Variants in CHL1 observed in about 807,000 individuals in gnomAD.
CHL1 encodes the protein cell adhesion molecule L1 like.
Under a neutral mutation model 141.9 loss-of-function variants are expected in CHL1, and 96 were observed. That is an observed-to-expected ratio of 0.68 (90% CI 0.57 to 0.80). The LOEUF (loss-of-function observed/expected upper bound fraction) is 0.80, where lower values mean the gene tolerates loss of function less well. CHL1 is among the 30% of genes least tolerant of loss of function. The probability of loss-of-function intolerance (pLI) is 0.00; values close to 1 mark genes in which losing one functional copy is unlikely to be tolerated. For missense variants in CHL1, 1,820 were observed against 1,457.2 expected (o/e 1.25, Z -4.05); for synonymous variants, 613 against 502.2 (o/e 1.22, Z -2.95).
intron 1 of CHL1, among the ~76,000 whole-genome samples, chr3:206,369 G>C (rs951195369): frequency 3.3e-5 from 5 of 152,136 alleles, no homozygotes; most frequent in African/African-American, 1.2e-4. Flanking sequence ...AGGAGGCTGA[G>C]GCAGGAGAAT....
At chr3:208,016 A>AG (rs1397819179) in intron 1 of CHL1, among the ~76,000 whole-genome samples, 1 of 152,236 alleles carries the variant, frequency 6.6e-6, no homozygotes, top group Non-Finnish European at 1.5e-5. Context: ...ATCAGAATGA[A>AG]TGCCATCCAA....
In CHL1 at chr3:351,665, C is replaced by T. The variant is rs187914262; in HGVS notation, c.1033+2122C>T. ...GAAAATCTACTCCATTCTGAAAACA[C>T]CCATTGTGCTTAAGTAAAATCATGG... On this transcript the variant is annotated intron_variant, in intron 10 of 27. Coordinates refer to ENST00000256509, the MANE Select transcript of CHL1 (RefSeq NM_006614.4). 3.8e-4 allele frequency among the ~76,000 whole-genome samples: 58 copies of T among 152,150 alleles called. 1 individual carries two copies. Among genetic ancestry groups the T allele is most frequent in the African/African-American group, 1.3e-3 (56 of 41,508 alleles).
intron 5 of CHL1, among the ~76,000 whole-genome samples, chr3:333,604 G>A (rs527369857): frequency 1.9e-4 from 29 of 152,194 alleles, no homozygotes; most frequent in African/African-American, 5.1e-4. Context: ...CATGGCACAG[G>A]GATTTTGTCA....
At chr3:363,920 A>C (rs561601159) in intron 14 of CHL1, 1 of 152,194 alleles carries the variant, frequency 6.6e-6, no homozygotes, top group East Asian at 1.9e-4. Context: ...TATTGCTCAG[A>C]GAATCTTCAA....
intron 1 of CHL1, among the ~76,000 whole-genome samples, chr3:221,031 A>G (rs1467290203): frequency 2.6e-5 from 4 of 152,048 alleles, no homozygotes; most frequent in Non-Finnish European, 5.9e-5. Flanking sequence ...CTTTAGATAA[A>G]CTCCTTGGAC....
rs1575074323 is a variant in CHL1 at position 326,199 on chromosome 3, T to C, written c.197+135T>C. ...AGCTAAGGGTTTACAAAAAATCATATCCATGCAAACAAAAAAAAAATTTGG... is the reference window on the plus strand; with the variant it reads ...AGCTAAGGGTTTACAAAAAATCATACCCATGCAAACAAAAAAAAAATTTGG... On this transcript the variant is annotated intron_variant, in intron 4 of 27. Transcript: ENST00000256509. 9 of 524,260 alleles carry C rather than the reference T, an allele frequency of 1.7e-5. No homozygotes were observed. In the South Asian group the frequency reaches 3.8e-4, roughly 22 times the overall value. The allele number at this position is 524,260 out of a possible 1,614,324, so 32.5% of individuals were successfully genotyped here.
chr3:407,365 T>C lies in CHL1; in HGVS notation c.*1654T>C, dbSNP rs1254317964. 2 of 152,116 alleles carry C rather than the reference T, an allele frequency of 1.3e-5. No individual in the cohort carries two copies. The highest frequency in any genetic ancestry group is 4.8e-5 in the African/African-American group (2 of 41,420). The allele number at this position is 152,116 out of a possible 1,614,324, so 9.4% of individuals were successfully genotyped here. On this transcript the variant is annotated 3_prime_UTR_variant, in exon 28 of 28. Transcript: ENST00000256509. The stretch of plus-strand genomic sequence containing the variant: ...GCAGGAATGCACATGGAATATCTAC[T>C]TGTCCTTTTGAACCTCACGAGTCAT...
At chr3:381,425 G>T (rs1707024993) in intron 16 of CHL1, among the ~76,000 whole-genome samples, 7 of 152,140 alleles carry the variant, frequency 4.6e-5, no homozygotes. Context: ...AACAAGAACT[G>T]GTCAGCTCAT....
In CHL1 at chr3:363,229, A is replaced by G. The variant is rs753437016; in HGVS notation, c.1431A>G (p.Glu477=). The part of the protein sequence containing the change: ...PEAVVSWQKV[E]EVKPLEGRRY... ...TCTTTGTCCATAGGCAGAAGGTGGAAGAAGTGAAACCCCTGGAGGGCAGGC... is the reference window on the plus strand; with the variant it reads ...TCTTTGTCCATAGGCAGAAGGTGGAGGAAGTGAAACCCCTGGAGGGCAGGC... Residue 477 remains glutamate, a synonymous_variant, in exon 14 of 28, where the codon GAA becomes GAG. Coordinates refer to ENST00000256509, the MANE Select transcript of CHL1 (RefSeq NM_006614.4). 6.2e-7 allele frequency: 1 copy of G among 1,609,648 alleles called. No homozygotes were observed. Among genetic ancestry groups the G allele is most frequent in the Non-Finnish European group, 8.5e-7 (1 of 1,178,618 alleles).
At chr3:267,350 C>T (rs1165273438) in intron 2 of CHL1, among the ~76,000 whole-genome samples, 2 of 152,162 alleles carry the variant, frequency 1.3e-5, no homozygotes, top group Non-Finnish European at 2.9e-5. Context: ...ACTTCCTCTG[C>T]ATAAGATCCT....
chr3:339,607 T>C (rs1390805344), intron 5 of CHL1, among the ~76,000 whole-genome samples: 1 of 152,156 alleles, frequency 6.6e-6, no homozygotes, highest in Non-Finnish European at 1.5e-5. Context: ...CCCCCTGCAA[T>C]GTTAAGCCTT....
rs535008812 is a variant in CHL1, at chr3:367,947, A to G, written c.1751+1832A>G. On this transcript the variant is annotated intron_variant, in intron 15 of 27. Transcript: ENST00000256509. Reference sequence around the variant, plus strand: ...TGATCTCATTCCTTTTTATGGCTGTATAGTATTCCATGGTGTATCTGTACC... The same window carrying G: ...TGATCTCATTCCTTTTTATGGCTGTGTAGTATTCCATGGTGTATCTGTACC... 5.9e-5 allele frequency among the ~76,000 whole-genome samples: 9 copies of G among 152,250 alleles called. No homozygotes were observed. In the South Asian group the frequency reaches 1.7e-3, roughly 28 times the overall value.
chr3:206,587 A>G (rs1005182238), intron 1 of CHL1, among the ~76,000 whole-genome samples: 8 of 151,946 alleles, frequency 5.3e-5, no homozygotes, highest in African/African-American at 1.9e-4. Flanking sequence ...AATAAAAATA[A>G]AAATTAGCCA....
chr3:369,793 A>G (rs765427351), intron 15 of CHL1, among the ~76,000 whole-genome samples: 30 of 152,238 alleles, frequency 2.0e-4, no homozygotes, highest in Non-Finnish European at 3.7e-4. Context: ...GTTAATTGAC[A>G]GTTTTTAACA....
chr3:240,068 C>A (rs1692406141), intron 1 of CHL1, among the ~76,000 whole-genome samples: 1 of 152,104 alleles, frequency 6.6e-6, no homozygotes, highest in South Asian at 2.1e-4. Flanking sequence ...TGTGCAAGTA[C>A]CTTTTCTGTG....
Position 305,857 on chromosome 3 carries a change from T to C in CHL1, c.-94-13826T>C, listed in dbSNP as rs193044280. ...GTTACAATAAGAATATATTTTATTG[T>C]AAAATAAGTAAAAACAAATTAATTA... is the stretch of plus-strand genomic sequence containing the variant. On this transcript the variant is annotated intron_variant, in intron 2 of 27. Transcript: ENST00000256509. Among the ~76,000 whole-genome samples the C allele has an allele frequency of 3.9e-5, 6 of 152,082 alleles. No homozygotes were observed. In the East Asian group the frequency reaches 1.2e-3, roughly 29 times the overall value.
chr3:206,958 C>T (rs1699494913), intron 1 of CHL1, among the ~76,000 whole-genome samples: 1 of 152,166 alleles, frequency 6.6e-6, no homozygotes, highest in Non-Finnish European at 1.5e-5. Context: ...AAATAGAAAT[C>T]GTTGGCAATG....
At chr3:266,515 A>G (rs1163087936) in intron 2 of CHL1, among the ~76,000 whole-genome samples, 3 of 152,172 alleles carry the variant, frequency 2.0e-5, no homozygotes, top group Admixed American at 2.0e-4. Flanking sequence ...TTCCTGAGGT[A>G]CAAGTTTGCT....
chr3:290,680 T>A (rs1392767041), intron 2 of CHL1, among the ~76,000 whole-genome samples: 1 of 152,178 alleles, frequency 6.6e-6, no homozygotes, highest in African/African-American at 2.4e-5. Flanking sequence ...GTTGAAAGAA[T>A]GCATAAACCC....
Sources: gnomAD v4.1 joint callset for allele counts (sites outside exome capture counted in the v4.1 genomes callset) on GRCh38, gnomAD v4.1.1 for gene constraint, MANE v1.5 for transcripts, NCBI Gene and HGNC (gene_info 2026-07-23, HGNC 2026-07-21) for gene names.